Variants in UBE4B observed in about 807,000 individuals in gnomAD.
The protein encoded by UBE4B is ubiquitin conjugation factor E4 B.
UBE4B carries 27 observed loss-of-function variants against 148.1 expected under a neutral mutation model. That is an observed-to-expected ratio of 0.18 (90% CI 0.13 to 0.25). The LOEUF (loss-of-function observed/expected upper bound fraction) is 0.25, where lower values mean the gene tolerates loss of function less well. Ranked by LOEUF, UBE4B falls within the 10% of genes least tolerant of loss-of-function variation. The pLI, the probability that UBE4B is intolerant of heterozygous loss-of-function variation, is 1.00. For missense variants in UBE4B, 1,170 were observed against 1,662.4 expected, an observed-to-expected ratio of 0.70 and a Z score of 5.15; for synonymous variants, 596 against 619.3, an observed-to-expected ratio of 0.96 and a Z score of 0.56.
chr1:10,093,083 A>G (rs577011061), intron 2 of UBE4B, among the ~76,000 whole-genome samples: 4 of 152,108 alleles, frequency 2.6e-5, no homozygotes, highest in Non-Finnish European at 4.4e-5. Flanking sequence ...TATTGTACAC[A>G]TACTATACTA....
At chr1:10,129,543 GA>G in intron 12 of UBE4B, 95 bp downstream of exon 12, 2 of 1,290,290 alleles carry the variant, frequency 1.6e-6, no homozygotes, top group East Asian at 2.4e-5. Flanking sequence ...AATGTCTCTT[GA>G]AGGACATTTA....
intron 25 of UBE4B, among the ~76,000 whole-genome samples, chr1:10,176,915 A>G (rs1646437209): frequency 6.7e-6 from 1 of 149,676 alleles, no homozygotes; most frequent in Admixed American, 6.7e-5. Context: ...CCTCCCAAAT[A>G]GCTGGGACTA....
intron 1 of UBE4B, among the ~76,000 whole-genome samples, chr1:10,047,488 C>CTTT (rs952378949): frequency 4.3e-4 from 50 of 116,018 alleles, no homozygotes; most frequent in East Asian, 7.9e-4. Flanking sequence ...CTTCATATAT[C>CTTT]TTTTTTTTTT....
chr1:10,073,423 C>T (rs1370629255), intron 2 of UBE4B, among the ~76,000 whole-genome samples: 1 of 152,120 alleles, frequency 6.6e-6, no homozygotes, highest in South Asian at 2.1e-4. Context: ...TGTCTCATTT[C>T]GAATTCATGA....
At chr1:10,132,533 AC>A in intron 15 of UBE4B, 51 bp downstream of exon 15, 1 of 1,540,572 alleles carries the variant, frequency 6.5e-7, no homozygotes. Context: ...CATTCATCTG[AC>A]CCAGATTTAG....
chr1:10,117,622 TA>T (rs77011101), intron 8 of UBE4B, 22 bp downstream of exon 8: 105,728 of 901,122 alleles, frequency 0.12, 20 homozygotes, highest in South Asian at 0.18. Context: ...TGGATTAACT[TA>T]AAAAAAAAAA....
intron 2 of UBE4B, among the ~76,000 whole-genome samples, chr1:10,091,015 C>A (rs956042269): frequency 2.0e-5 from 3 of 152,186 alleles, no homozygotes; most frequent in African/African-American, 7.2e-5. Flanking sequence ...TTAGCAAACT[C>A]TTCTCAGTTA....
intron 1 of UBE4B, among the ~76,000 whole-genome samples, chr1:10,065,562 G>A (rs1041767814): frequency 2.0e-5 from 3 of 152,176 alleles, no homozygotes; most frequent in South Asian, 4.1e-4. Flanking sequence ...ATGTGTCACC[G>A]CTGGGCCAGT....
chr1:10,055,073 A>T (rs574372307), intron 1 of UBE4B, among the ~76,000 whole-genome samples: 1 of 152,268 alleles, frequency 6.6e-6, no homozygotes, highest in African/African-American at 2.4e-5. Context: ...GGTGTGAGCC[A>T]CCGCACCCGG....
intron 21 of UBE4B, 150 bp from the exon 22 acceptor site, chr1:10,158,206 G>A: frequency 1.1e-6 from 1 of 884,146 alleles, no homozygotes; most frequent in Non-Finnish European, 1.7e-6. Flanking sequence ...TATAATTTCT[G>A]TCGTGCCCTA....
Position 10,120,428 on chromosome 1 carries a change from C to T in UBE4B, c.1439+815C>T, listed in dbSNP as rs538383772. Among the ~76,000 whole-genome samples the T allele has an allele frequency of 9.2e-5, 14 of 152,238 alleles. No homozygotes were observed. The South Asian group carries it at 2.9e-3, about 32-fold the overall frequency. On this transcript the variant is annotated intron_variant, in intron 9 of 27. Transcript: ENST00000343090. The stretch of plus-strand genomic sequence containing the variant: ...ATCCCAGCCACCTGGGAGGCTGAGG[C>T]CAGAGAATCGTTTGAACCCAGGAGG...
At chr1:10,155,250 T>C (rs1646050166) in intron 21 of UBE4B, among the ~76,000 whole-genome samples, 1 of 152,228 alleles carries the variant, frequency 6.6e-6, no homozygotes, top group African/African-American at 2.4e-5. Context: ...ATGTGTGCCC[T>C]CTGGCCTGGA....
intron 1 of UBE4B, among the ~76,000 whole-genome samples, chr1:10,056,957 GCATGTGCCACCACAC>G (rs1361507194): frequency 2.0e-5 from 3 of 151,934 alleles, no homozygotes; most frequent in Non-Finnish European, 4.4e-5. Context: ...GGGACTACAG[GCATGTGCCACCACAC>G]CTGGCTCATT....
At chr1:10,163,799 T>C (rs944334806) in intron 23 of UBE4B, among the ~76,000 whole-genome samples, 1 of 151,418 alleles carries the variant, frequency 6.6e-6, no homozygotes, top group Admixed American at 6.6e-5. Context: ...TGAGACAGAG[T>C]CTCACTCTGT....
At chr1:10,052,310 G>C (rs949730425) in intron 1 of UBE4B, among the ~76,000 whole-genome samples, 1 of 151,860 alleles carries the variant, frequency 6.6e-6, no homozygotes, top group Non-Finnish European at 1.5e-5. Context: ...GGGCTCAAAT[G>C]ATCCTCCGGC....
intron 7 of UBE4B, among the ~76,000 whole-genome samples, chr1:10,115,169 T>C (rs1055396910): frequency 2.6e-5 from 4 of 151,694 alleles, no homozygotes; most frequent in Non-Finnish European, 4.4e-5. Flanking sequence ...CCATACTTTT[T>C]TTTTTTTTTT....
chr1:10,177,121 A>G (rs143556411), intron 25 of UBE4B, among the ~76,000 whole-genome samples: 3 of 152,186 alleles, frequency 2.0e-5, no homozygotes, highest in Middle Eastern at 6.8e-3. Context: ...ATGCTAGGTC[A>G]TATCAGATGA....
At chr1:10,091,243 C>A (rs979198271) in intron 2 of UBE4B, among the ~76,000 whole-genome samples, 25 of 152,228 alleles carry the variant, frequency 1.6e-4, no homozygotes, top group Middle Eastern at 3.4e-3. Context: ...GAAGAAAAAA[C>A]CTGTATTCCT....
At chr1:10,118,321 C>T (rs1645349747) in intron 8 of UBE4B, among the ~76,000 whole-genome samples, 2 of 151,964 alleles carry the variant, frequency 1.3e-5, no homozygotes, top group Non-Finnish European at 2.9e-5. Context: ...AATGAGTGGG[C>T]ATGTCTCCAA....
Sources: allele counts gnomAD v4.1 joint callset (sites outside exome capture counted in the v4.1 genomes callset), GRCh38; gene constraint gnomAD v4.1.1; transcripts MANE v1.5; gene names NCBI Gene and HGNC (gene_info 2026-07-23, HGNC 2026-07-21).